Variants in DOP1B observed in about 807,000 individuals in gnomAD.
The protein encoded by DOP1B is protein DOP1B.
Under a neutral mutation model 233.5 loss-of-function variants are expected in DOP1B, and 174 were observed. That is an observed-to-expected ratio of 0.75 (90% CI 0.66 to 0.85). The LOEUF is 0.85. DOP1B is among the 40% of genes least tolerant of loss of function. The probability of loss-of-function intolerance (pLI) is 0.00; values close to 1 mark genes in which losing one functional copy is unlikely to be tolerated. For synonymous variants in DOP1B, 1,190 were observed against 1,185.6 expected (o/e 1.00, Z -0.08); for missense variants, 2,652 against 2,846.6 (o/e 0.93, Z 1.56).
At chr21:36,288,403 T>C (rs181594571) in intron 33 of DOP1B, among the ~76,000 whole-genome samples, 1 of 152,248 alleles carries the variant, frequency 6.6e-6, no homozygotes, top group East Asian at 1.9e-4. Flanking sequence ...TATATACATA[T>C]AAATTTGGGC....
chr21:36,228,219 T>C (rs1051214278), intron 13 of DOP1B, among the ~76,000 whole-genome samples: 1 of 151,950 alleles, frequency 6.6e-6, no homozygotes, highest in Non-Finnish European at 1.5e-5. Flanking sequence ...TCCCAGCACT[T>C]TGGCAAGCTG....
At chr21:36,164,591 C>T in intron 1 of DOP1B, 117 bp from the exon 2 acceptor site, 1 of 704,006 alleles carries the variant, frequency 1.4e-6, no homozygotes, top group Non-Finnish European at 2.1e-6. Flanking sequence ...ACAGGATTGC[C>T]CAGTGAGTTT....
intron 4 of DOP1B, among the ~76,000 whole-genome samples, chr21:36,202,074 C>T (rs2066374149): frequency 6.6e-6 from 1 of 152,094 alleles, no homozygotes; most frequent in Non-Finnish European, 1.5e-5. Context: ...GTAATCCCAG[C>T]TACTTGGGAG....
At chr21:36,207,369 G>C (rs1207728293) in intron 4 of DOP1B, among the ~76,000 whole-genome samples, 2 of 151,894 alleles carry the variant, frequency 1.3e-5, no homozygotes, top group African/African-American at 4.8e-5. Context: ...ATTTTTAATA[G>C]AGATGGGGTT....
chr21:36,233,312 T>C (rs1359838419), intron 15 of DOP1B, among the ~76,000 whole-genome samples: 4 of 152,068 alleles, frequency 2.6e-5, no homozygotes, highest in Non-Finnish European at 4.4e-5. Flanking sequence ...CAGGACTGAG[T>C]GGAACCCCTG....
At chr21:36,233,765 C>T (rs562907799) in intron 15 of DOP1B, among the ~76,000 whole-genome samples, 1 of 152,304 alleles carries the variant, frequency 6.6e-6, no homozygotes, top group South Asian at 2.1e-4. Context: ...GTCTGTGGAA[C>T]TCCTCACACC....
chr21:36,212,140 A>G, intron 7 of DOP1B, 43 bp downstream of exon 7: 1 of 1,517,570 alleles, frequency 6.6e-7, no homozygotes, highest in Non-Finnish European at 8.8e-7. Flanking sequence ...AGTTAATATG[A>G]AACCTTTTAG....
In DOP1B at chr21:36,261,069, A is replaced by G. The variant is rs116411039; in HGVS notation, c.5315+337A>G. On this transcript the variant is annotated intron_variant, in intron 24 of 36. Coordinates refer to ENST00000691173, the MANE Select transcript of DOP1B (RefSeq NM_001320714.2). ...GGGAAGTGTTAAAGACCTCTTTTAGAAAAAGGAGAAATGGGCCAGGCGCGG... is the reference window on the plus strand; with the variant it reads ...GGGAAGTGTTAAAGACCTCTTTTAGGAAAAGGAGAAATGGGCCAGGCGCGG... The G allele has an allele frequency of 9.6e-4, 993 of 1,033,076 alleles. 13 individuals carry two copies. The African/African-American group carries it at 0.016, about 16-fold the overall frequency. 64.0% of individuals were successfully genotyped at this position (1,033,076 alleles called of 1,614,324 possible).
intron 23 of DOP1B, among the ~76,000 whole-genome samples, chr21:36,257,522 T>C (rs2067113922): frequency 6.6e-6 from 1 of 151,964 alleles, no homozygotes; most frequent in Non-Finnish European, 1.5e-5. Context: ...TTGGGGCAGG[T>C]CAAAGGAGGG....
intron 2 of DOP1B, 94 bp downstream of exon 2, chr21:36,164,965 T>C (rs2065895294): frequency 9.0e-7 from 1 of 1,113,814 alleles, no homozygotes; most frequent in African/African-American, 1.6e-5. Flanking sequence ...ATTATTTGTA[T>C]TTTATAATCT....
At chr21:36,158,922 G>A (rs8129254) in intron 1 of DOP1B, among the ~76,000 whole-genome samples, 5 of 151,936 alleles carry the variant, frequency 3.3e-5, no homozygotes, top group Non-Finnish European at 5.9e-5. Flanking sequence ...TACGTCAGGA[G>A]TTTGAGACCA....
chr21:36,243,396 G>T, intron 18 of DOP1B, among the ~76,000 whole-genome samples: 1 of 147,044 alleles, frequency 6.8e-6, no homozygotes. Context: ...AATAGGCAGT[G>T]GTCAGTGGCC....
intron 15 of DOP1B, among the ~76,000 whole-genome samples, chr21:36,236,987 G>A (rs547577989): frequency 6.6e-6 from 1 of 152,134 alleles, no homozygotes; most frequent in East Asian, 1.9e-4. Context: ...GTTTTGCCAT[G>A]TTGACCAGGC....
chr21:36,291,974 A>G (rs2067564338), intron 35 of DOP1B, 130 bp from the exon 36 acceptor site: 1 of 1,080,448 alleles, frequency 9.3e-7, no homozygotes, highest in Admixed American at 2.8e-5. Context: ...AACTCTATGA[A>G]TATAATAAAA....
At chr21:36,161,919 T>A (rs974089857) in intron 1 of DOP1B, among the ~76,000 whole-genome samples, 148 of 152,366 alleles carry the variant, frequency 9.7e-4, no homozygotes, top group African/African-American at 3.5e-3. Flanking sequence ...TTCATCCAAG[T>A]TGCGGCGTAT....
chr21:36,226,849 C>T (rs1197679732), intron 12 of DOP1B, among the ~76,000 whole-genome samples: 2 of 152,166 alleles, frequency 1.3e-5, no homozygotes, highest in Non-Finnish European at 2.9e-5. Flanking sequence ...CTGCATCAGC[C>T]TCCCAAGGTG....
intron 2 of DOP1B, among the ~76,000 whole-genome samples, chr21:36,176,941 C>A (rs2066038893): frequency 6.6e-6 from 1 of 152,156 alleles, no homozygotes; most frequent in South Asian, 2.1e-4. Flanking sequence ...GCCCCAGGCT[C>A]CTGAGTAGCT....
intron 27 of DOP1B, among the ~76,000 whole-genome samples, chr21:36,276,044 CAGT>C (rs1438054226): frequency 6.6e-6 from 1 of 151,274 alleles, no homozygotes; most frequent in Non-Finnish European, 1.5e-5. Flanking sequence ...AAGGGTATGA[CAGT>C]GGTGGAGCTG....
chr21:36,177,003 G>A (rs1374804978), intron 2 of DOP1B, among the ~76,000 whole-genome samples: 1 of 152,024 alleles, frequency 6.6e-6, no homozygotes, highest in Admixed American at 6.6e-5. Context: ...TGTATTTTTT[G>A]TAGAGACAGG....
Sources: allele counts gnomAD v4.1 joint callset (sites outside exome capture counted in the v4.1 genomes callset), GRCh38; gene constraint gnomAD v4.1.1; transcripts MANE v1.5; gene names NCBI Gene and HGNC (gene_info 2026-07-23, HGNC 2026-07-21).